DNAH7: variants seen among roughly 807,000 people sequenced by gnomAD.
The protein encoded by DNAH7 is axonemal beta dynein heavy chain 7.
A neutral mutation model predicts 444.6 loss-of-function variants in DNAH7; 397 were observed. That is an observed-to-expected ratio of 0.89 (90% confidence interval 0.82 to 0.97). The LOEUF (loss-of-function observed/expected upper bound fraction) is 0.97, where lower values mean the gene tolerates loss of function less well. Ranked by LOEUF, DNAH7 falls within the 50% of genes least tolerant of loss-of-function variation. DNAH7 has a pLI of 0.00. For missense variants in DNAH7, 4,902 were observed against 4,800.8 expected (o/e 1.02, Z -0.62); for synonymous variants, 1,636 against 1,624.4 (o/e 1.01, Z -0.17).
chr2:196,066,853 TTC>T (rs1698455281), intron 1 of DNAH7, among the ~76,000 whole-genome samples: 1 of 152,238 alleles, frequency 6.6e-6, no homozygotes. Flanking sequence ...GTTTAATCCA[TTC>T]TGTTTGTTTT....
At chr2:195,776,561 A>C (rs1011473431) in intron 59 of DNAH7, among the ~76,000 whole-genome samples, 2 of 152,194 alleles carry the variant, frequency 1.3e-5, no homozygotes, top group Non-Finnish European at 2.9e-5. Flanking sequence ...CTTCATTTAG[A>C]AATTACCTAC....
At chr2:195,951,999 T>C (rs1406439759) in intron 19 of DNAH7, among the ~76,000 whole-genome samples, 2 of 152,170 alleles carry the variant, frequency 1.3e-5, no homozygotes, top group Non-Finnish European at 2.9e-5. Flanking sequence ...ATTTGGCCCA[T>C]TAGTTGATGC....
chr2:195,914,145 A>G (rs998035550), intron 24 of DNAH7, among the ~76,000 whole-genome samples: 3 of 152,220 alleles, frequency 2.0e-5, no homozygotes, highest in Non-Finnish European at 4.4e-5. Context: ...TTCACTCAGT[A>G]CACTGTATTG....
chr2:195,813,537 C>T (rs2124875808), intron 51 of DNAH7, among the ~76,000 whole-genome samples: 1 of 152,280 alleles, frequency 6.6e-6, no homozygotes, highest in Non-Finnish European at 1.5e-5. Context: ...GCAAAACTAC[C>T]TCCTGTCATA....
intron 19 of DNAH7, among the ~76,000 whole-genome samples, chr2:195,938,775 C>T (rs1689227748): frequency 6.6e-6 from 1 of 152,096 alleles, no homozygotes; most frequent in African/African-American, 2.4e-5. Context: ...AGCTTAATAA[C>T]TCTGAACCAA....
chr2:195,870,286 A>G (rs1700597715), intron 40 of DNAH7, among the ~76,000 whole-genome samples: 1 of 152,228 alleles, frequency 6.6e-6, no homozygotes, highest in Admixed American at 6.5e-5. Context: ...GTTCAATGTT[A>G]TGAAGAACAA....
intron 6 of DNAH7, 73 bp from the exon 7 acceptor site, chr2:196,027,013 G>A (rs1321767964): frequency 2.0e-5 from 25 of 1,223,900 alleles, no homozygotes; most frequent in African/African-American, 4.6e-5. Flanking sequence ...AAACTACCAA[G>A]CAAAATTCAA....
At chr2:195,845,510 A>T (rs1698931742) in intron 46 of DNAH7, among the ~76,000 whole-genome samples, 1 of 152,200 alleles carries the variant, frequency 6.6e-6, no homozygotes, top group African/African-American at 2.4e-5. Context: ...ATTTGGAAAA[A>T]GTATTCTAAA....
intron 13 of DNAH7, 78 bp from the exon 14 acceptor site, chr2:195,987,271 TTTTTA>T (rs1212051400): frequency 2.6e-6 from 3 of 1,157,092 alleles, no homozygotes; most frequent in Non-Finnish European, 3.5e-6. Context: ...ATTCTCATAA[TTTTTA>T]TTTTTGTGTG....
chr2:195,797,803 A>G (rs1025051366), intron 55 of DNAH7, among the ~76,000 whole-genome samples: 1 of 152,150 alleles, frequency 6.6e-6, no homozygotes, highest in African/African-American at 2.4e-5. Flanking sequence ...CTACTCCTCC[A>G]TCTTCCCATC....
chr2:195,990,569 G>GA (rs1456845804), intron 12 of DNAH7, among the ~76,000 whole-genome samples: 1 of 151,830 alleles, frequency 6.6e-6, no homozygotes, highest in Non-Finnish European at 1.5e-5. Context: ...TGAGGTGAGA[G>GA]AATCACCTGA....
chr2:195,984,803 G>A, intron 14 of DNAH7, 93 bp from the exon 15 acceptor site: 1 of 1,181,282 alleles, frequency 8.5e-7, no homozygotes, highest in Non-Finnish European at 1.2e-6. Context: ...TCCATTGCAT[G>A]AAAAATAAAA....
chr2:195,834,112 T>G (rs1574519189), intron 48 of DNAH7, 94 bp downstream of exon 48: 1 of 1,283,186 alleles, frequency 7.8e-7, no homozygotes, highest in Non-Finnish European at 1.1e-6. Context: ...TAGGCTGAGG[T>G]GGGAGGATCG....
chr2:195,947,101 TTATAA>T (rs1689862346), intron 19 of DNAH7, among the ~76,000 whole-genome samples: 2 of 147,900 alleles, frequency 1.4e-5, no homozygotes, highest in South Asian at 2.1e-4. Context: ...ATTTATATAA[TTATAA>T]TATATATAAT....
chr2:195,805,476 T>A (rs562253427), intron 54 of DNAH7, among the ~76,000 whole-genome samples: 2 of 152,204 alleles, frequency 1.3e-5, no homozygotes, highest in South Asian at 4.1e-4. Flanking sequence ...TTCATGGAGA[T>A]TACATTTTTT....
At chr2:196,039,995 T>C (rs894388482) in intron 5 of DNAH7, among the ~76,000 whole-genome samples, 7 of 151,406 alleles carry the variant, frequency 4.6e-5, no homozygotes, top group African/African-American at 1.7e-4. Context: ...AGGGAAGAAA[T>C]AGACAAATAA....
chr2:195,970,048 TG>T lies in DNAH7; in HGVS notation c.2104del (p.Gln702AsnfsTer18). 1.2e-6 allele frequency: 2 copies of T among 1,613,102 alleles called. No homozygotes were observed. Among genetic ancestry groups the T allele is most frequent in the Non-Finnish European group, 1.7e-6 (2 of 1,179,606 alleles). ...TCCAAATGAATAAAATTCTTCTGAT[TG>T]CTTAGCATAACTCTCCAATTCCTCC... ...FVEELESYAKQSEEFYSFGDL... is the reference protein window; with the variant it reads ...FVEELESYAKXSEEFYSFGDL... On this transcript the variant is annotated frameshift_variant, in exon 17 of 65. Transcript: ENST00000312428. LOFTEE classifies it high-confidence loss of function.
At chr2:195,882,710 T>C (rs1334340782) in intron 35 of DNAH7, among the ~76,000 whole-genome samples, 1 of 152,236 alleles carries the variant, frequency 6.6e-6, no homozygotes, top group African/African-American at 2.4e-5. Context: ...GATAACTCTG[T>C]CTTCTTAGAA....
intron 19 of DNAH7, among the ~76,000 whole-genome samples, chr2:195,945,077 C>T (rs1325453245): frequency 6.6e-6 from 1 of 151,720 alleles, no homozygotes; most frequent in Non-Finnish European, 1.5e-5. Flanking sequence ...TACTCTAAAA[C>T]CCAAGTGGGT....
Sources: gnomAD v4.1 joint callset for allele counts (sites outside exome capture counted in the v4.1 genomes callset) on GRCh38, gnomAD v4.1.1 for gene constraint, MANE v1.5 for transcripts, NCBI Gene and HGNC (gene_info 2026-07-23, HGNC 2026-07-21) for gene names.